Variants in FARS2 observed in about 807,000 individuals in gnomAD.
FARS2 encodes the protein phenylalanyl-tRNA synthetase 2, mitochondrial.
A neutral mutation model predicts 46.4 loss-of-function variants in FARS2; 40 were observed. That is an observed-to-expected ratio of 0.86 (90% CI 0.67 to 1.12). FARS2 has a LOEUF of 1.12. Ranked by LOEUF, FARS2 falls within the 50% of genes most tolerant of loss-of-function variation. FARS2 has a pLI of 0.00. For synonymous variants in FARS2, 234 were observed against 214.9 expected, an observed-to-expected ratio of 1.09 and a Z score of -0.78; for missense variants, 513 against 567.9, an observed-to-expected ratio of 0.90 and a Z score of 0.98.
chr6:5,734,799 G>GTAGATAGA (rs200540074), intron 6 of FARS2, among the ~76,000 whole-genome samples: 6 of 152,126 alleles, frequency 3.9e-5, no homozygotes, highest in African/African-American at 1.4e-4. Context: ...TGTTTGATTT[G>GTAGATAGA]TAGATAGATA....
At chr6:5,412,184 C>T (rs776951453) in intron 3 of FARS2, among the ~76,000 whole-genome samples, 11 of 152,162 alleles carry the variant, frequency 7.2e-5, no homozygotes, top group African/African-American at 1.4e-4. Flanking sequence ...ATGGGATTGC[C>T]GATCGCCTGC....
intron 4 of FARS2, among the ~76,000 whole-genome samples, chr6:5,518,431 A>G (rs1245112317): frequency 2.6e-5 from 4 of 152,190 alleles, no homozygotes; most frequent in Non-Finnish European, 5.9e-5. Context: ...CTGTAGATGA[A>G]TGAAGTTTTG....
intron 3 of FARS2, among the ~76,000 whole-genome samples, chr6:5,407,560 A>AT (rs980431711): frequency 6.6e-6 from 1 of 152,084 alleles, no homozygotes; most frequent in African/African-American, 2.4e-5. Flanking sequence ...GGGAAATGGT[A>AT]TTAGGGAGGG....
chr6:5,532,400 G>A (rs1769898127), intron 4 of FARS2, among the ~76,000 whole-genome samples: 1 of 152,236 alleles, frequency 6.6e-6, no homozygotes, highest in African/African-American at 2.4e-5. Flanking sequence ...GGAACATTGT[G>A]AGGATAAAAC....
At chr6:5,589,959 C>T (rs1773821892) in intron 5 of FARS2, among the ~76,000 whole-genome samples, 1 of 152,170 alleles carries the variant, frequency 6.6e-6, no homozygotes, top group South Asian at 2.1e-4. Flanking sequence ...GCAGCCCCAC[C>T]CTGCATAGCT....
intron 1 of FARS2, among the ~76,000 whole-genome samples, chr6:5,284,636 G>T (rs1766985577): frequency 6.6e-6 from 1 of 152,118 alleles, no homozygotes; most frequent in Non-Finnish European, 1.5e-5. Flanking sequence ...GTCGCCTTCT[G>T]GTGATTACAT....
At chr6:5,754,152 A>G (rs2150968382) in intron 6 of FARS2, among the ~76,000 whole-genome samples, 1 of 152,346 alleles carries the variant, frequency 6.6e-6, no homozygotes, top group South Asian at 2.1e-4. Context: ...ATACACATAT[A>G]TCTATCTGAC....
rs1760310570 is a variant in FARS2, at chr6:5,727,018, G to A, written c.1218-44273G>A. Among the ~76,000 whole-genome samples, 1 of 152,226 alleles carries A rather than the reference G, an allele frequency of 6.6e-6. No individual in the cohort carries two copies. The highest frequency in any genetic ancestry group is 1.9e-4 in the East Asian group (1 of 5,202). ...GACCGCTGTCAACTGCAAATGGTATGGCCTTGGGTCAGATACTTGGCCTCA... is the reference window on the plus strand; with the variant it reads ...GACCGCTGTCAACTGCAAATGGTATAGCCTTGGGTCAGATACTTGGCCTCA... On this transcript the variant is annotated intron_variant, in intron 6 of 6. Transcript: ENST00000274680. This position sits in a 1 kb window ranked among gnomAD's most constrained non-coding sequence, Gnocchi z 4.1.
intron 5 of FARS2, among the ~76,000 whole-genome samples, chr6:5,545,939 T>C (rs1360048510): frequency 6.6e-6 from 1 of 151,944 alleles, no homozygotes; most frequent in Non-Finnish European, 1.5e-5. Context: ...ACCAGCCTAG[T>C]CAACATGGTG....
chr6:5,612,777 C>G (rs1775259090), intron 5 of FARS2, among the ~76,000 whole-genome samples: 1 of 152,128 alleles, frequency 6.6e-6, no homozygotes, highest in Non-Finnish European at 1.5e-5. Flanking sequence ...TCTTATTCCT[C>G]TACTAAAATG....
chr6:5,393,954 C>A (rs1452194205), intron 2 of FARS2, among the ~76,000 whole-genome samples: 1 of 152,174 alleles, frequency 6.6e-6, no homozygotes, highest in Non-Finnish European at 1.5e-5. Context: ...GTTTTTATTG[C>A]CAGGAATGGT....
chr6:5,644,570 T>C (rs544195625), intron 6 of FARS2, among the ~76,000 whole-genome samples: 1 of 151,978 alleles, frequency 6.6e-6, no homozygotes, highest in African/African-American at 2.4e-5. Context: ...GCAGATCTAC[T>C]CTCATGACCT....
chr6:5,608,550 T>A (rs1349320223), intron 5 of FARS2, among the ~76,000 whole-genome samples: 1 of 152,208 alleles, frequency 6.6e-6, no homozygotes, highest in African/African-American at 2.4e-5. Flanking sequence ...TGATTACACA[T>A]GATAATGAAT....
chr6:5,749,940 T>A (rs145597049), intron 6 of FARS2, among the ~76,000 whole-genome samples: 1 of 152,258 alleles, frequency 6.6e-6, no homozygotes, highest in African/African-American at 2.4e-5. Context: ...CTGAGGATAT[T>A]GGGCCTGCGG....
chr6:5,309,740 A>C (rs1768960554), intron 1 of FARS2, among the ~76,000 whole-genome samples: 2 of 137,178 alleles, frequency 1.5e-5, no homozygotes, highest in South Asian at 4.3e-4. Flanking sequence ...AAGGAAGACA[A>C]TATTGAAAGA....
At chr6:5,514,745 C>A (rs1480855662) in intron 4 of FARS2, among the ~76,000 whole-genome samples, 1 of 151,658 alleles carries the variant, frequency 6.6e-6, no homozygotes, top group Non-Finnish European at 1.5e-5. Flanking sequence ...CATTCTTAAT[C>A]TTCCCCCAAA....
chr6:5,509,370 G>T (rs1302048749), intron 4 of FARS2, among the ~76,000 whole-genome samples: 1 of 152,214 alleles, frequency 6.6e-6, no homozygotes, highest in Non-Finnish European at 1.5e-5. Flanking sequence ...TAAAGCAGCG[G>T]CCCCTCCGTC....
chr6:5,513,306 G>T (rs1277633336), intron 4 of FARS2, among the ~76,000 whole-genome samples: 1 of 152,182 alleles, frequency 6.6e-6, no homozygotes, highest in African/African-American at 2.4e-5. Flanking sequence ...CCGTGTTTGT[G>T]TTGTATCCAC....
At chr6:5,513,585 G>T (rs1768587606) in intron 4 of FARS2, among the ~76,000 whole-genome samples, 2 of 152,216 alleles carry the variant, frequency 1.3e-5, no homozygotes, top group South Asian at 4.1e-4. Context: ...CGTTCTGGCT[G>T]CTGCCTCTAC....
Sources: allele counts gnomAD v4.1 joint callset (sites outside exome capture counted in the v4.1 genomes callset), GRCh38; gene constraint gnomAD v4.1.1; non-coding constraint Gnocchi (gnomAD v3.1); transcripts MANE v1.5; gene names NCBI Gene and HGNC (gene_info 2026-07-23, HGNC 2026-07-21).